GABRG2: variants seen among roughly 807,000 people sequenced by gnomAD.
The protein encoded by GABRG2 is gamma-aminobutyric acid type A receptor subunit gamma2.
A neutral mutation model predicts 56.4 loss-of-function variants in GABRG2; 16 were observed. The observed-to-expected ratio is 0.28, with a 90% CI of 0.19 to 0.43. The LOEUF (loss-of-function observed/expected upper bound fraction) is 0.43. Ranked by LOEUF, GABRG2 falls within the 20% of genes least tolerant of loss-of-function variation. The pLI is 1.00. For synonymous variants in GABRG2, 208 were observed against 205.5 expected (o/e 1.01, Z -0.10); for missense variants, 327 against 582.7 (o/e 0.56, Z 4.52).
At chr5:162,124,559 T>G (rs1763191975) in intron 6 of GABRG2, among the ~76,000 whole-genome samples, 1 of 151,392 alleles carries the variant, frequency 6.6e-6, no homozygotes, top group Non-Finnish European at 1.5e-5. Flanking sequence ...GTTTTTTGAT[T>G]TTGTTTGTTT....
intron 1 of GABRG2, among the ~76,000 whole-genome samples, chr5:162,085,805 C>A (rs1435535584): frequency 6.6e-6 from 1 of 151,866 alleles, no homozygotes; most frequent in Admixed American, 6.6e-5. Flanking sequence ...GTTTAGCTCC[C>A]ACTTATAAGT....
At chr5:162,110,551 G>T (rs1762180919) in intron 6 of GABRG2, among the ~76,000 whole-genome samples, 1 of 151,884 alleles carries the variant, frequency 6.6e-6, no homozygotes, top group Non-Finnish European at 1.5e-5. Flanking sequence ...CGATTTAGAT[G>T]ATATATTTTG....
chr5:162,135,742 G>A (rs1378416522), intron 6 of GABRG2, among the ~76,000 whole-genome samples: 1 of 152,172 alleles, frequency 6.6e-6, no homozygotes, highest in Non-Finnish European at 1.5e-5. Context: ...TGGGATATTA[G>A]AGTTGAGGCC....
intron 6 of GABRG2, among the ~76,000 whole-genome samples, chr5:162,111,545 T>C (rs866279762): frequency 3.3e-5 from 5 of 152,164 alleles, no homozygotes; most frequent in Middle Eastern, 6.3e-3. Flanking sequence ...CCCATAGAGA[T>C]GAACTGAGGT....
intron 1 of GABRG2, among the ~76,000 whole-genome samples, chr5:162,075,797 A>C (rs1251620399): frequency 6.6e-6 from 1 of 152,120 alleles, no homozygotes; most frequent in Non-Finnish European, 1.5e-5. Flanking sequence ...TTTCCACAGC[A>C]TAGTATACTT....
intron 1 of GABRG2, among the ~76,000 whole-genome samples, chr5:162,084,742 C>A (rs1759927012): frequency 6.6e-6 from 1 of 151,866 alleles, no homozygotes; most frequent in Non-Finnish European, 1.5e-5. Flanking sequence ...CTACTTGATA[C>A]ATTTCTTGAT....
chr5:162,135,429 C>T (rs1174656277), intron 6 of GABRG2, among the ~76,000 whole-genome samples: 1 of 152,136 alleles, frequency 6.6e-6, no homozygotes, highest in Non-Finnish European at 1.5e-5. Flanking sequence ...TCATACAGAG[C>T]TAAAGCATTT....
At chr5:162,112,219 T>C (rs1231593602) in intron 6 of GABRG2, among the ~76,000 whole-genome samples, 2 of 151,820 alleles carry the variant, frequency 1.3e-5, no homozygotes, top group African/African-American at 2.4e-5. Flanking sequence ...TTAAGATTAA[T>C]ATTTTTGACA....
At chr5:162,114,130 C>A (rs1262293290) in intron 6 of GABRG2, among the ~76,000 whole-genome samples, 1 of 152,040 alleles carries the variant, frequency 6.6e-6, no homozygotes, top group Non-Finnish European at 1.5e-5. Flanking sequence ...ATTCTTATAT[C>A]CTAAACATCT....
At chr5:162,113,077 T>C (rs865788429) in intron 6 of GABRG2, among the ~76,000 whole-genome samples, 1 of 151,920 alleles carries the variant, frequency 6.6e-6, no homozygotes, top group Non-Finnish European at 1.5e-5. Flanking sequence ...GTAGCTGGGA[T>C]TGCACACGCA....
chr5:162,095,412 A>C, intron 2 of GABRG2, 83 bp from the exon 3 acceptor site: 1 of 843,410 alleles, frequency 1.2e-6, no homozygotes, highest in African/African-American at 1.7e-5. Flanking sequence ...GTAGCTAAAT[A>C]AATCTATTCT....
intron 2 of GABRG2, chr5:162,094,272 T>C (rs1289870127): frequency 2.5e-6 from 1 of 403,420 alleles, no homozygotes; most frequent in Non-Finnish European, 4.6e-6. Context: ...ATGACCCCTT[T>C]ATGAAGCAAC....
At chr5:162,118,754 G>A (rs566232994) in intron 6 of GABRG2, among the ~76,000 whole-genome samples, 2 of 152,128 alleles carry the variant, frequency 1.3e-5, no homozygotes, top group East Asian at 1.9e-4. Context: ...TTTTGTCATC[G>A]GGACTTAAGA....
intron 1 of GABRG2, among the ~76,000 whole-genome samples, chr5:162,088,311 T>C (rs905437635): frequency 3.3e-5 from 5 of 152,160 alleles, no homozygotes; most frequent in African/African-American, 1.2e-4. Context: ...TGCCTGTTCC[T>C]ACACTGTTTA....
chr5:162,145,296 T>C (rs1262128821), intron 7 of GABRG2, among the ~76,000 whole-genome samples: 2 of 152,152 alleles, frequency 1.3e-5, no homozygotes, highest in African/African-American at 4.8e-5. Flanking sequence ...ATTTCTGGTG[T>C]AGTGACAATG....
At position 162,137,923 on chromosome 5, in the gene GABRG2, T is replaced by G. The variant is rs535386121; in HGVS notation, c.770-4241T>G. 9.3e-4 allele frequency among the ~76,000 whole-genome samples: 141 copies of G among 151,808 alleles called. 1 individual carries two copies. Among genetic ancestry groups the G allele is most frequent in the African/African-American group, 3.3e-3 (137 of 41,406 alleles). On this transcript the variant is annotated intron_variant, in intron 6 of 9. Transcript: ENST00000639213. ...CATGCCACCACGCCTGGCTAATTTT[T>G]GGTATTTTTTTTTTTTTGTAGTGAT...
chr5:162,073,642 A>G (rs1158967987), intron 1 of GABRG2, among the ~76,000 whole-genome samples: 1 of 152,120 alleles, frequency 6.6e-6, no homozygotes, highest in Non-Finnish European at 1.5e-5. Flanking sequence ...CATATTTTTA[A>G]TCACCCCAAT....
At position 162,122,091 on chromosome 5, in the gene GABRG2, G is replaced by A. The variant is rs985447636; in HGVS notation, c.769+18065G>A. Among the ~76,000 whole-genome samples the A allele has an allele frequency of 5.9e-5, 9 of 152,010 alleles. 2 individuals carry two copies. The highest frequency in any genetic ancestry group is 5.9e-4 in the Admixed American group (9 of 15,208). The stretch of plus-strand genomic sequence containing the variant: ...AAGCATAAGAAAATTTGTGAAATTG[G>A]AAGAGTTCCAGACATATATTTCTTA... On this transcript the variant is annotated intron_variant, in intron 6 of 9. Coordinates refer to ENST00000639213, the MANE Select transcript of GABRG2 (RefSeq NM_198904.4).
chr5:162,106,831 T>A (rs1761865426), intron 6 of GABRG2, among the ~76,000 whole-genome samples: 1 of 152,114 alleles, frequency 6.6e-6, no homozygotes, highest in African/African-American at 2.4e-5. Flanking sequence ...TTTTCTTGAA[T>A]GCGTAATGAA....
Sources: gnomAD v4.1 joint callset for allele counts (sites outside exome capture counted in the v4.1 genomes callset) on GRCh38, gnomAD v4.1.1 for gene constraint, MANE v1.5 for transcripts, NCBI Gene and HGNC (gene_info 2026-07-23, HGNC 2026-07-21) for gene names.